Variants in FLT1 observed in about 807,000 individuals in gnomAD.
FLT1 encodes fms related receptor tyrosine kinase 1.
Under a neutral mutation model 156.3 loss-of-function variants are expected in FLT1, and 49 were observed. The observed-to-expected ratio is 0.31, with a 90% CI of 0.25 to 0.40. The LOEUF is 0.40. Among genes scored for constraint, FLT1 ranks in the 10% least tolerant of loss-of-function variants. FLT1 has a pLI of 1.00. For synonymous variants in FLT1, 594 were observed against 583.8 expected (o/e 1.02, Z -0.25); for missense variants, 1,322 against 1,637.2 (o/e 0.81, Z 3.32).
chr13:28,480,833 C>T (rs1213449361), intron 1 of FLT1, among the ~76,000 whole-genome samples: 1 of 152,222 alleles, frequency 6.6e-6, no homozygotes, highest in Non-Finnish European at 1.5e-5. Context: ...AGTAATCATA[C>T]TTTAGATACA....
In FLT1 at chr13:28,434,157, T is replaced by C. The variant is rs746631824; in HGVS notation, c.577A>G (p.Ile193Val). ...RIIWDSRKGF[I>V]ISNATYKEIG... ...TCTTTGTACGTTGCATTTGATATGA[T>C]GAAGCCCTTTCTACTGTCCCAGATT... Residue 193 changes from isoleucine (I) to valine (V), a missense_variant, in exon 5 of 30, where the codon ATC (isoleucine) becomes GTC (valine). Physicochemically the swap from Ile to Val is conservative, Grantham distance 29. Around this residue, in one of 3 missense-constraint regions of FLT1, gnomAD observed 991 missense variants for 1,254.8 expected, o/e 0.79. Transcript: ENST00000282397. The C allele has an allele frequency of 6.8e-6, 11 of 1,613,988 alleles. No homozygotes were observed. In the South Asian group the frequency reaches 1.1e-4, roughly 16 times the overall value.
chr13:28,354,441 T>TA (rs2138869164), intron 15 of FLT1, among the ~76,000 whole-genome samples: 2 of 152,342 alleles, frequency 1.3e-5, no homozygotes, highest in East Asian at 3.9e-4. Flanking sequence ...AAGAATGAGT[T>TA]AAATGCCTCT....
At chr13:28,405,944 C>T (rs751227431) in intron 10 of FLT1, 50 bp from the exon 11 acceptor site, 1 of 909,866 alleles carries the variant, frequency 1.1e-6, no homozygotes. Context: ...ATGGTTCAGT[C>T]AATGGGGACA....
intron 1 of FLT1, among the ~76,000 whole-genome samples, chr13:28,474,742 G>A (rs1410414677): frequency 6.6e-6 from 1 of 152,052 alleles, no homozygotes; most frequent in Non-Finnish European, 1.5e-5. Flanking sequence ...TTAGATTAAT[G>A]GTGATGGTTG....
chr13:28,424,007 G>A (rs139350871), intron 10 of FLT1, among the ~76,000 whole-genome samples: 21 of 151,924 alleles, frequency 1.4e-4, no homozygotes, highest in African/African-American at 5.1e-4. Context: ...CTGGAGTGCA[G>A]TGGTGCGATC....
At chr13:28,408,632 A>C (rs924995534) in intron 10 of FLT1, among the ~76,000 whole-genome samples, 1 of 152,098 alleles carries the variant, frequency 6.6e-6, no homozygotes, top group African/African-American at 2.4e-5. Context: ...AACTGTCTTG[A>C]GGGGGGAGGA....
In FLT1 at chr13:28,427,322, G is replaced by A; in HGVS notation, c.1277-4C>T. On this transcript the variant is annotated splice_polypyrimidine_tract_variant and splice_region_variant and intron_variant, in intron 9 of 29. Transcript: ENST00000282397. Reference sequence around the variant, plus strand: ...TTTTCGTAAATCTGGGGTTTCACTGGAAAGGAGATGAAGAACGGGACAGAA... The same window carrying A: ...TTTTCGTAAATCTGGGGTTTCACTGAAAAGGAGATGAAGAACGGGACAGAA... The A allele has an allele frequency of 2.5e-6, 4 of 1,613,874 alleles. No homozygotes were observed. The highest frequency in any genetic ancestry group is 3.4e-6 in the Non-Finnish European group (4 of 1,179,850).
intron 1 of FLT1, among the ~76,000 whole-genome samples, chr13:28,474,513 C>T (rs994137524): frequency 6.6e-6 from 1 of 151,904 alleles, no homozygotes; most frequent in South Asian, 2.1e-4. Context: ...CACACACACA[C>T]ACACACACAC....
intron 3 of FLT1, among the ~76,000 whole-genome samples, chr13:28,464,434 T>C (rs1318116720): frequency 6.6e-6 from 1 of 152,244 alleles, no homozygotes; most frequent in Admixed American, 6.5e-5. Flanking sequence ...TGGCACTTTT[T>C]CCCACTAAGC....
At chr13:28,414,161 G>C (rs1038474250) in intron 10 of FLT1, among the ~76,000 whole-genome samples, 6 of 152,216 alleles carry the variant, frequency 3.9e-5, no homozygotes, top group Non-Finnish European at 7.3e-5. Context: ...CAGCGTATGA[G>C]AGAAGAAATC....
chr13:28,492,648 G>A (rs962413622), intron 1 of FLT1, among the ~76,000 whole-genome samples: 37 of 152,190 alleles, frequency 2.4e-4, no homozygotes, highest in African/African-American at 8.7e-4. Flanking sequence ...GCAGACCCAG[G>A]TTCATAATGA....
At chr13:28,404,925 C>T (rs768651707) in intron 11 of FLT1, among the ~76,000 whole-genome samples, 1 of 149,956 alleles carries the variant, frequency 6.7e-6, no homozygotes, top group Non-Finnish European at 1.5e-5. Flanking sequence ...GAGGCTGAGA[C>T]AGGAGAATCA....
intron 27 of FLT1, among the ~76,000 whole-genome samples, chr13:28,310,216 G>T (rs1162589546): frequency 1.3e-5 from 2 of 152,200 alleles, no homozygotes; most frequent in South Asian, 4.2e-4. Flanking sequence ...GACTGCTGCA[G>T]CTTCTTCCCA....
chr13:28,372,297 G>T (rs1187757864), intron 14 of FLT1, among the ~76,000 whole-genome samples: 3 of 148,344 alleles, frequency 2.0e-5, no homozygotes, highest in African/African-American at 7.4e-5. Flanking sequence ...GGCCAAGCTG[G>T]TCTTGAACTC....
chr13:28,309,137 AG>A (rs1870880942), intron 27 of FLT1, among the ~76,000 whole-genome samples: 1 of 152,154 alleles, frequency 6.6e-6, no homozygotes, highest in African/African-American at 2.4e-5. Context: ...CACATTCTGT[AG>A]GGTTGAGGAA....
At chr13:28,477,497 C>T (rs1306039756) in intron 1 of FLT1, among the ~76,000 whole-genome samples, 2 of 152,162 alleles carry the variant, frequency 1.3e-5, no homozygotes, top group East Asian at 1.9e-4. Flanking sequence ...ATCTGAGCTG[C>T]CTAGGGCAAA....
chr13:28,329,234 C>A (rs1335017061), intron 19 of FLT1, among the ~76,000 whole-genome samples: 1 of 152,218 alleles, frequency 6.6e-6, no homozygotes, highest in African/African-American at 2.4e-5. Flanking sequence ...TCACCTCCTC[C>A]TGGGACCCTA....
At chr13:28,373,032 TTGACTA>T (rs1873691106) in intron 14 of FLT1, among the ~76,000 whole-genome samples, 1 of 152,190 alleles carries the variant, frequency 6.6e-6, no homozygotes, top group Non-Finnish European at 1.5e-5. Flanking sequence ...CTTTGTAATA[TTGACTA>T]TGTTAGAATG....
At chr13:28,313,179 A>G (rs1177069256) in intron 25 of FLT1, among the ~76,000 whole-genome samples, 1 of 151,976 alleles carries the variant, frequency 6.6e-6, no homozygotes, top group Non-Finnish European at 1.5e-5. Context: ...GGGTTTTATC[A>G]TGTTTTCCAG....
Sources: gnomAD v4.1 joint callset for allele counts (sites outside exome capture counted in the v4.1 genomes callset) on GRCh38, gnomAD v4.1.1 for gene constraint, gnomAD v4.1.1 regional missense constraint, MANE v1.5 for transcripts, NCBI Gene and HGNC (gene_info 2026-07-23, HGNC 2026-07-21) for gene names.